The following FOXP3 variants were observed in gnomAD, a reference collection of about 807,000 sequenced individuals.
The protein encoded by FOXP3 is forkhead box protein P3.
In FOXP3, 5 loss-of-function variants were observed where a neutral mutation model predicts 31.2. That is an observed-to-expected ratio of 0.16 (90% CI 0.08 to 0.34). The LOEUF (loss-of-function observed/expected upper bound fraction) is 0.34. Ranked by LOEUF, FOXP3 falls within the 10% of genes least tolerant of loss-of-function variation. The probability of loss-of-function intolerance (pLI) is 1.00; values close to 1 mark genes in which losing one functional copy is unlikely to be tolerated. For synonymous variants in FOXP3, 141 were observed against 148.8 expected (o/e 0.95, Z 0.38); for missense variants, 251 against 363.0 (o/e 0.69, Z 2.51).
At chrX:49,259,353 C>A (rs1377009357) in intron 1 of FOXP3, 1 of 505,977 alleles carries the variant, frequency 2.0e-6, no homozygotes, top group African/African-American at 2.4e-5. Flanking sequence ...GGGTCTGGAT[C>A]TCAGGGCAAG....
At position 49,251,035 on chromosome X, in the gene FOXP3, G is replaced by T. The variant is rs1379611111; in HGVS notation, c.*299C>A. On this transcript the variant is annotated 3_prime_UTR_variant, in exon 12 of 12. Transcript: ENST00000376207. ...TGTGCGAGCAGCTGAGGCAGGCTCTGTGTGGCTGGTTGTGAAGGCTCTGTT... is the reference window on the plus strand; with the variant it reads ...TGTGCGAGCAGCTGAGGCAGGCTCTTTGTGGCTGGTTGTGAAGGCTCTGTT... 7 of 391,477 alleles carry T rather than the reference G, an allele frequency of 1.8e-5. No individual in the cohort carries two copies. Among genetic ancestry groups the T allele is most frequent in the Non-Finnish European group, 3.1e-5 (7 of 223,588 alleles). 32.3% of individuals were successfully genotyped at this position (391,477 alleles called of 1,213,427 possible). A position where few individuals can be genotyped will look rare whatever the true frequency, so the allele number is the denominator to read the frequency against.
chrX:49,262,931 C>T (rs1360866028), intron 1 of FOXP3, among the ~76,000 whole-genome samples: 1 of 111,202 alleles, frequency 9.0e-6, no homozygotes, highest in Non-Finnish European at 1.9e-5. Context: ...AAGCACAAAA[C>T]CAGAGACAGA....
At chrX:49,259,219 C>T (rs1209145110) in intron 1 of FOXP3, 1 of 523,964 alleles carries the variant, frequency 1.9e-6, no homozygotes, top group Non-Finnish European at 3.5e-6. Context: ...ACCGAGCTGA[C>T]ATTACCTGAG....
chrX:49,262,333 G>A (rs1324378469), intron 1 of FOXP3, among the ~76,000 whole-genome samples: 1 of 112,666 alleles, frequency 8.9e-6, no homozygotes, highest in Non-Finnish European at 1.9e-5. Context: ...AACAGATACT[G>A]GGGAAGAGAA....
Position 49,257,567 on chromosome X carries a change from TG to T in FOXP3, c.316-3del, listed in dbSNP as rs782086170. On this transcript the variant is annotated splice_polypyrimidine_tract_variant and splice_region_variant and intron_variant, in intron 3 of 11. Coordinates refer to ENST00000376207, the MANE Select transcript of FOXP3 (RefSeq NM_014009.4). The stretch of plus-strand genomic sequence containing the variant: ...GGCGTGGGCATCCACCGTTGAGAGC[TG>T]GGGGGCACATGTGGGCTGTGGTTCA... 2.4e-5 allele frequency: 29 copies of T among 1,193,042 alleles called. 1 individual carries two copies. The South Asian group carries it at 4.7e-4, about 20-fold the overall frequency.
intron 8 of FOXP3, among the ~76,000 whole-genome samples, chrX:49,255,157 G>A (rs909152366): frequency 1.5e-4 from 17 of 111,409 alleles, no homozygotes; most frequent in Non-Finnish European, 2.3e-4. Context: ...CCATCTTGGC[G>A]AGGCTGGTCT....
intron 1 of FOXP3, among the ~76,000 whole-genome samples, chrX:49,258,917 G>A (rs782380489): frequency 4.4e-5 from 5 of 112,399 alleles, no homozygotes; most frequent in Non-Finnish European, 9.4e-5. Context: ...TCATCTTGCC[G>A]GAGCTGGTCT....
In FOXP3 at chrX:49,251,376, G is replaced by C. The variant is rs781796588; in HGVS notation, c.1254C>G (p.Ser418Arg). ...GGTTGGAACACCTGCTGGGCCTCTGGCTCCGTTTCTTGCGGAACTCCAGCT... is the reference window on the plus strand; with the variant it reads ...GGTTGGAACACCTGCTGGGCCTCTGCCTCCGTTTCTTGCGGAACTCCAGCT... ...VDELEFRKKR[S>R]QRPSRCSNPT... The change falls in exon 12 of 12, where the codon AGC (serine) becomes AGG (arginine). Residue 418 changes from serine (S) to arginine (R), a missense_variant. Transcript: ENST00000376207. The C allele has an allele frequency of 3.3e-6, 4 of 1,211,092 alleles. No homozygotes were observed. In the South Asian group the frequency reaches 7.0e-5, roughly 21 times the overall value.
rs781814320 is a variant in FOXP3 at position 49,253,769 on chromosome X, G to A, written c.967+148C>T. On this transcript the variant is annotated intron_variant, in intron 9 of 11. Coordinates refer to ENST00000376207, the MANE Select transcript of FOXP3 (RefSeq NM_014009.4). ...ATCCCGAAAGGAAGCTTTTGTGAGC[G>A]GATGCATTTTCCCAAAGGCTGAGTG... is the stretch of plus-strand genomic sequence containing the variant. 17 of 695,129 alleles carry A rather than the reference G, an allele frequency of 2.4e-5. No homozygotes were observed. In the South Asian group the frequency reaches 2.8e-4, roughly 11 times the overall value. 57.3% of individuals were successfully genotyped at this position (695,129 alleles called of 1,213,427 possible).
intron 6 of FOXP3, among the ~76,000 whole-genome samples, chrX:49,256,080 G>A (rs782381662): frequency 3.1e-4 from 35 of 111,244 alleles, no homozygotes; most frequent in Non-Finnish European, 6.6e-4. Flanking sequence ...AGGGAGGTGA[G>A]AGTGGGCAAA....
chrX:49,261,248 AAGTC>A (rs1484410497), intron 1 of FOXP3, among the ~76,000 whole-genome samples: 2 of 112,311 alleles, frequency 1.8e-5, no homozygotes, highest in Non-Finnish European at 3.8e-5. Context: ...AACCATCTGA[AAGTC>A]AGGCAGCTTG....
In FOXP3 at chrX:49,251,182, G is replaced by C; in HGVS notation, c.*152C>G. 3 of 705,331 alleles carry C rather than the reference G, an allele frequency of 4.3e-6. No individual in the cohort carries two copies. Among genetic ancestry groups the C allele is most frequent in the Non-Finnish European group, 6.3e-6 (3 of 474,231 alleles). The allele number at this position is 705,331 out of a possible 1,213,427, so 58.1% of individuals were successfully genotyped here. ...GATGGGGGAGGGGGTGGCTGCCAGCGGGGGAACAGGGGCCCTGGCAGGCAA... is the reference window on the plus strand; with the variant it reads ...GATGGGGGAGGGGGTGGCTGCCAGCCGGGGAACAGGGGCCCTGGCAGGCAA... On this transcript the variant is annotated 3_prime_UTR_variant, in exon 12 of 12. Coordinates refer to ENST00000376207, the MANE Select transcript of FOXP3 (RefSeq NM_014009.4).
chrX:49,255,567 C>T, intron 7 of FOXP3, 58 bp from the exon 8 acceptor site: 1 of 1,131,534 alleles, frequency 8.8e-7, no homozygotes, highest in African/African-American at 1.8e-5. Context: ...ACATCTTTGC[C>T]CAGGCTACGG....
In FOXP3 at chrX:49,253,971, G is replaced by T. The variant is rs1557115935; in HGVS notation, c.913C>A (p.Leu305Met). Residue 305 changes from leucine to methionine, a missense_variant, in exon 9 of 12, where the codon CTG (leucine) becomes ATG (methionine). Coordinates refer to ENST00000376207, the MANE Select transcript of FOXP3 (RefSeq NM_014009.4). ...WSGPREAPDS[L>M]FAVRRHLWGS... is the part of the protein sequence containing the mutation. ...CACAGGTGCCTCCGGACAGCAAACA[G>T]GCTGTCAGGGGCCTCCCGGGGGCCA... The T allele has an allele frequency of 8.3e-7, 1 of 1,210,889 alleles. No homozygotes were observed. Among genetic ancestry groups the T allele is most frequent in the Admixed American group, 2.2e-5 (1 of 46,021 alleles).
chrX:49,261,124 C>T (rs2066107381), intron 1 of FOXP3, among the ~76,000 whole-genome samples: 1 of 112,660 alleles, frequency 8.9e-6, no homozygotes, highest in Non-Finnish European at 1.9e-5. Context: ...AATCATAGAA[C>T]AGCATTTCTT....
intron 1 of FOXP3, among the ~76,000 whole-genome samples, chrX:49,261,984 G>C (rs1243621758): frequency 4.4e-5 from 5 of 112,470 alleles, no homozygotes; most frequent in Non-Finnish European, 9.4e-5. Context: ...TTAGGTGTCT[G>C]CAGGGCTTCA....
rs782412105 is a variant in FOXP3 at position 49,250,984 on chromosome X, G to C, written c.*350C>G. 4.1e-5 allele frequency: 13 copies of C among 316,733 alleles called. No homozygotes were observed. Among genetic ancestry groups the C allele is most frequent in the Non-Finnish European group, 6.2e-5 (11 of 178,319 alleles). The allele number at this position is 316,733 out of a possible 1,213,427, so 26.1% of individuals were successfully genotyped here. On this transcript the variant is annotated 3_prime_UTR_variant, in exon 12 of 12. Transcript: ENST00000376207. ...GGATTGTGACATTTTGTGTGTCTGTGTGACTTTTCCAGCCCTGAAGTAATC... is the reference window on the plus strand; with the variant it reads ...GGATTGTGACATTTTGTGTGTCTGTCTGACTTTTCCAGCCCTGAAGTAATC...
rs957679716 is a variant in FOXP3, at chrX:49,255,575, C to T, written c.736-66G>A. 2.6e-5 allele frequency: 29 copies of T among 1,116,401 alleles called. No individual in the cohort carries two copies. The East Asian group carries it at 5.2e-4, about 20-fold the overall frequency. 92.0% of individuals were successfully genotyped at this position (1,116,401 alleles called of 1,213,427 possible). A position where few individuals can be genotyped will look rare whatever the true frequency, so the allele number is the denominator to read the frequency against. ...CTCTGCCACATCTTTGCCCAGGCTA[C>T]GGTCTTCCCTGGGAGTGCCCGCTCC... On this transcript the variant is annotated intron_variant, in intron 7 of 11. Transcript: ENST00000376207.
rs1336586585 is a variant in FOXP3 at position 49,262,006 on chromosome X, G to GC, written c.-23+2654dup. Among the ~76,000 whole-genome samples the GC allele has an allele frequency of 4.4e-5, 5 of 112,364 alleles. No individual in the cohort carries two copies. The East Asian group carries it at 1.4e-3, about 32-fold the overall frequency. On this transcript the variant is annotated intron_variant, in intron 1 of 11. Transcript: ENST00000376207. ...TCTGCAGGGCTTCAAGTTGACAATT[G>GC]CCCCTCTATCCAGGGGACTGGCTGA...
Sources: gnomAD v4.1 joint callset for allele counts (sites outside exome capture counted in the v4.1 genomes callset) on GRCh38, gnomAD v4.1.1 for gene constraint, MANE v1.5 for transcripts, NCBI Gene and HGNC (gene_info 2026-07-23, HGNC 2026-07-21) for gene names.